S100A1: variants seen among roughly 807,000 people sequenced by gnomAD.
S100A1 encodes the protein protein S100-A1.
Under a neutral mutation model 7.6 loss-of-function variants are expected in S100A1, and 3 were observed. That is an observed-to-expected ratio of 0.40 (90% CI 0.18 to 1.02). The LOEUF (loss-of-function observed/expected upper bound fraction) is 1.02. S100A1 is among the 50% of genes least tolerant of loss of function. The pLI, the probability that S100A1 is intolerant of heterozygous loss-of-function variation, is 0.35. For synonymous variants in S100A1, 49 were observed against 49.0 expected, an observed-to-expected ratio of 1.00 and a Z score of 0.00; for missense variants, 126 against 115.0, an observed-to-expected ratio of 1.10 and a Z score of -0.44.
At chr1:153,630,925 T>C (rs1409902310) in intron 2 of S100A1, 7 of 485,690 alleles carry the variant, frequency 1.4e-5, no homozygotes, top group South Asian at 7.8e-5. Context: ...AAGGGAAAGA[T>C]TGACACTTAA....
At chr1:153,630,442 C>T (rs1358487038) in intron 1 of S100A1, 67 bp from the exon 2 acceptor site, 1 of 1,564,130 alleles carries the variant, frequency 6.4e-7, no homozygotes, top group African/African-American at 1.4e-5. Flanking sequence ...CCTGAGGGTT[C>T]CCCTCACCTA....
chr1:153,630,861 T>C, intron 2 of S100A1, 199 bp downstream of exon 2: 1 of 612,062 alleles, frequency 1.6e-6, no homozygotes, highest in Non-Finnish European at 2.8e-6. Flanking sequence ...ATTGATCACC[T>C]GTTAAGTGTT....
rs753543210 is a variant in S100A1 at position 153,631,714 on chromosome 1, A to G, written c.158A>G (p.Asp53Gly). 30 of 1,614,000 alleles carry G rather than the reference A, an allele frequency of 1.9e-5. No individual in the cohort carries two copies. Among genetic ancestry groups the G allele is most frequent in the Non-Finnish European group, 1.9e-5 (22 of 1,180,030 alleles). ...CCACCACAGGCCCAGAAGGATGTGG[A>G]TGCTGTGGACAAGGTGATGAAGGAG... ...SGFLDAQKDV[D>G]AVDKVMKELD... Residue 53 changes from aspartate to glycine, a missense_variant, in exon 3 of 3, where the codon GAT becomes GGT. Transcript: ENST00000292169.
Position 153,631,740 on chromosome 1 carries a change from C to T in S100A1, c.184C>T (p.Leu62=). Residue 62 remains leucine, a synonymous_variant, in exon 3 of 3, where the codon CTA becomes TTA. Transcript: ENST00000292169. ...TGCTGTGGACAAGGTGATGAAGGAG[C>T]TAGACGAGAATGGAGACGGGGAGGT... is the stretch of plus-strand genomic sequence containing the variant. The part of the protein sequence containing the change: ...VDAVDKVMKE[L]DENGDGEVDF... 6.2e-7 allele frequency: 1 copy of T among 1,614,230 alleles called. No individual in the cohort carries two copies.
At chr1:153,628,573 G>A (rs1218876201) in intron 1 of S100A1, 77 bp downstream of exon 1, 27 of 1,534,738 alleles carry the variant, frequency 1.8e-5, no homozygotes, top group Non-Finnish European at 2.3e-5. Flanking sequence ...GGCTCCAAGA[G>A]GCTGGGGACC....
intron 2 of S100A1, chr1:153,631,151 C>T (rs889904950): frequency 1.5e-5 from 5 of 331,602 alleles, no homozygotes; most frequent in Non-Finnish European, 2.8e-5. Context: ...GAATGTGGAG[C>T]ATGTCAGTAG....
chr1:153,628,819 C>A, intron 1 of S100A1: 1 of 368,044 alleles, frequency 2.7e-6, no homozygotes. Flanking sequence ...CCTCTGTCTC[C>A]CAGGTGTTGG....
chr1:153,629,021 T>G (rs1003874457), intron 1 of S100A1: 1 of 156,142 alleles, frequency 6.4e-6, no homozygotes, highest in African/African-American at 2.4e-5. Flanking sequence ...GAAGCAGAGA[T>G]GTAGGGTGCT....
chr1:153,628,533 G>A, intron 1 of S100A1, 37 bp downstream of exon 1: 5 of 1,549,240 alleles, frequency 3.2e-6, no homozygotes, highest in Non-Finnish European at 4.4e-6. Context: ...TCCCTGGCCT[G>A]CCAGCTTCAG....
At chr1:153,628,811 T>C in intron 1 of S100A1, 2 of 381,802 alleles carry the variant, frequency 5.2e-6, no homozygotes, top group East Asian at 8.5e-5. Flanking sequence ...CAAGGCCCCC[T>C]CTGTCTCCCA....
intron 1 of S100A1, 56 bp downstream of exon 1, chr1:153,628,552 G>T: frequency 6.5e-7 from 1 of 1,545,280 alleles, no homozygotes; most frequent in Non-Finnish European, 8.7e-7. Flanking sequence ...AGGGAGAGGG[G>T]TCTTCAGAAG....
chr1:153,631,285 T>C, intron 2 of S100A1: 1 of 647,410 alleles, frequency 1.5e-6, no homozygotes, highest in Non-Finnish European at 2.6e-6. Flanking sequence ...TTGGACTGGG[T>C]TCAAATTCCA....
chr1:153,631,280 C>A, intron 2 of S100A1: 1 of 628,292 alleles, frequency 1.6e-6, no homozygotes, highest in Non-Finnish European at 2.7e-6. Flanking sequence ...TTTTATTGGA[C>A]TGGGTTCAAA....
intron 2 of S100A1, chr1:153,631,373 T>C (rs896230637): frequency 5.5e-6 from 7 of 1,273,542 alleles, no homozygotes; most frequent in African/African-American, 1.5e-5. Flanking sequence ...TTCTCTAGAA[T>C]GGAAATAATG....
chr1:153,631,143 A>C (rs1357239707), intron 2 of S100A1: 1 of 322,622 alleles, frequency 3.1e-6, no homozygotes, highest in East Asian at 6.0e-5. Flanking sequence ...AGAAAGAAGA[A>C]TGTGGAGCAT....
chr1:153,631,668 C>T, intron 2 of S100A1, 30 bp from the exon 3 acceptor site: 2 of 1,613,914 alleles, frequency 1.2e-6, no homozygotes, highest in Non-Finnish European at 1.7e-6. Context: ...CTTCCCTATA[C>T]ACCTCCCTCT....
At chr1:153,630,933 T>C in intron 2 of S100A1, 1 of 475,960 alleles carries the variant, frequency 2.1e-6, no homozygotes, top group Middle Eastern at 5.4e-4. Context: ...GATTGACACT[T>C]AAAAGTAAAC....
At position 153,631,739 on chromosome 1, in the gene S100A1, G is replaced by A. The variant is rs1668020283; in HGVS notation, c.183G>A (p.Glu61=). ...ATGCTGTGGACAAGGTGATGAAGGA[G>A]CTAGACGAGAATGGAGACGGGGAGG... The part of the protein sequence containing the change: ...DVDAVDKVMK[E]LDENGDGEVD... The change falls in exon 3 of 3, where the codon GAG becomes GAA. Residue 61 remains glutamate, a synonymous_variant. Coordinates refer to ENST00000292169, the MANE Select transcript of S100A1 (RefSeq NM_006271.2). The A allele has an allele frequency of 6.2e-7, 1 of 1,614,122 alleles. No homozygotes were observed. The highest frequency in any genetic ancestry group is 8.5e-7 in the Non-Finnish European group (1 of 1,180,056).
intron 2 of S100A1, chr1:153,631,249 G>C (rs541429691): frequency 1.7e-6 from 1 of 572,450 alleles, no homozygotes; most frequent in Middle Eastern, 4.7e-4. Context: ...GGATACGGTA[G>C]AAAGTGCACC....
Sources: gnomAD v4.1 joint callset for allele counts on GRCh38, gnomAD v4.1.1 for gene constraint, MANE v1.5 for transcripts, NCBI Gene and HGNC (gene_info 2026-07-23, HGNC 2026-07-21) for gene names.